TOP6BL: variants seen among roughly 807,000 people sequenced by gnomAD.
The protein encoded by TOP6BL is TOP6B like initiator of meiotic double strand breaks.
At chr11:66,779,620 T>G in the TOP6BL span, among the ~76,000 whole-genome samples, 3 of 152,182 alleles carry the variant, frequency 2.0e-5, no homozygotes, top group Non-Finnish European at 4.4e-5. Context: ...CTCGGAGATC[T>G]AGAACTAGAA....
chr11:66,753,695 C>T, the TOP6BL span, among the ~76,000 whole-genome samples: 3 of 151,846 alleles, frequency 2.0e-5, no homozygotes, highest in Middle Eastern at 3.4e-3. Flanking sequence ...CGTGAGCCAC[C>T]GCGCCCGGCC....
the TOP6BL span, chr11:66,843,053 T>C: frequency 6.4e-7 from 1 of 1,564,536 alleles, no homozygotes; most frequent in Non-Finnish European, 8.6e-7. Flanking sequence ...AGGGCGAGCC[T>C]CGGAAGCCGC....
chr11:66,754,221 C>T, the TOP6BL span, among the ~76,000 whole-genome samples: 1 of 152,096 alleles, frequency 6.6e-6, no homozygotes, highest in South Asian at 2.1e-4. Flanking sequence ...ACCTGGAAAC[C>T]CTTGTTCTTT....
chr11:66,779,869 A>G, the TOP6BL span, among the ~76,000 whole-genome samples: 1 of 152,236 alleles, frequency 6.6e-6, no homozygotes, highest in East Asian at 1.9e-4. Flanking sequence ...AGGGACATGG[A>G]TGAAGCTGGA....
the TOP6BL span, among the ~76,000 whole-genome samples, chr11:66,746,053 TG>T: frequency 1.3e-5 from 2 of 152,050 alleles, no homozygotes; most frequent in African/African-American, 2.4e-5. Context: ...TCAAGTGATC[TG>T]CCCGCCTCCG....
the TOP6BL span, among the ~76,000 whole-genome samples, chr11:66,805,413 ATGTC>A: frequency 0.011 from 1,636 of 152,010 alleles, 35 homozygotes; most frequent in African/African-American, 0.037. Context: ...TTTCTATTCT[ATGTC>A]TGTCTAGAAT....
chr11:66,782,298 C>T, the TOP6BL span, among the ~76,000 whole-genome samples: 1 of 152,332 alleles, frequency 6.6e-6, no homozygotes, highest in East Asian at 1.9e-4. Flanking sequence ...TTTTTCAGCA[C>T]TGGAAAATCT....
chr11:66,833,284 G>C, the TOP6BL span, among the ~76,000 whole-genome samples: 1 of 151,846 alleles, frequency 6.6e-6, no homozygotes, highest in Non-Finnish European at 1.5e-5. Flanking sequence ...CCTAGCCTTA[G>C]GTGATCTGGC....
At chr11:66,816,227 C>T in the TOP6BL span, 1 of 1,591,070 alleles carries the variant, frequency 6.3e-7, no homozygotes, top group Non-Finnish European at 8.6e-7. Context: ...GGGTTGCCAG[C>T]TGGGGTGTGC....
chr11:66,821,041 C>G, the TOP6BL span, among the ~76,000 whole-genome samples: 1 of 152,182 alleles, frequency 6.6e-6, no homozygotes, highest in Non-Finnish European at 1.5e-5. Context: ...TATCCTCGCT[C>G]ATGGTTAATC....
At chr11:66,802,780 C>T in the TOP6BL span, among the ~76,000 whole-genome samples, 1 of 152,144 alleles carries the variant, frequency 6.6e-6, no homozygotes, top group Non-Finnish European at 1.5e-5. Flanking sequence ...GTAATAATTT[C>T]CCCACCCCAT....
At chr11:66,821,639 T>C in the TOP6BL span, 1 of 1,601,182 alleles carries the variant, frequency 6.2e-7, no homozygotes, top group Non-Finnish European at 8.5e-7. Context: ...CTCCCTCCCC[T>C]TAGGAGTCTA....
the TOP6BL span, among the ~76,000 whole-genome samples, chr11:66,774,673 G>A: frequency 1.3e-5 from 2 of 151,796 alleles, no homozygotes. Flanking sequence ...GGGTTTCACT[G>A]TGTTAGCCAG....
the TOP6BL span, chr11:66,762,033 T>TC: frequency 2.7e-6 from 4 of 1,474,590 alleles, no homozygotes; most frequent in Non-Finnish European, 2.8e-6. Context: ...AGTGATTTTT[T>TC]CCCCCCAGCA....
the TOP6BL span, among the ~76,000 whole-genome samples, chr11:66,833,412 CAAAT>C: frequency 2.6e-5 from 4 of 152,030 alleles, no homozygotes; most frequent in Admixed American, 6.6e-5. Flanking sequence ...AGACTTTTCT[CAAAT>C]AAGCTCACAT....
At chr11:66,748,628 A>G in the TOP6BL span, 76 of 877,970 alleles carry the variant, frequency 8.7e-5, no homozygotes, top group African/African-American at 1.1e-3. Flanking sequence ...GGATTGTTCC[A>G]TAATTATAAA....
At chr11:66,748,366 G>T in the TOP6BL span, 1 of 1,522,186 alleles carries the variant, frequency 6.6e-7, no homozygotes, top group East Asian at 2.5e-5. Context: ...TCTTTGAATT[G>T]TGCTCTTTTC....
chr11:66,745,061 G>A, the TOP6BL span: 1 of 877,264 alleles, frequency 1.1e-6, no homozygotes, highest in Non-Finnish European at 1.5e-6. Flanking sequence ...CGTCTCCCAC[G>A]GGGAAGCGAG....
At chr11:66,758,302 C>CTTTTCTTTTTTTTTTTTTTTTTTTT in the TOP6BL span, 1 of 67,318 alleles carries the variant, frequency 1.5e-5, no homozygotes, top group Non-Finnish European at 2.5e-5. Context: ...TTTTCTTTTT[C>CTTTTCTTTTTTTTTTTTTTTTTTTT]TTTTTTTTTT....
Sources: gnomAD v4.1 joint callset for allele counts (sites outside exome capture counted in the v4.1 genomes callset) on GRCh38, gnomAD v4.1.1 for gene constraint, MANE v1.5 for transcripts, NCBI Gene and HGNC (gene_info 2026-07-23, HGNC 2026-07-21) for gene names.